Variants in XXYLT1 observed in about 807,000 individuals in gnomAD.
XXYLT1 encodes the protein xyloside xylosyltransferase 1.
In XXYLT1, 20 loss-of-function variants were observed where a neutral mutation model predicts 28.9. That is an observed-to-expected ratio of 0.69 (90% CI 0.49 to 1.00). XXYLT1 has a LOEUF of 1.00. Ranked by LOEUF, XXYLT1 falls within the 50% of genes least tolerant of loss-of-function variation. The pLI is 0.00. For missense variants in XXYLT1, 542 were observed against 560.1 expected, an observed-to-expected ratio of 0.97 and a Z score of 0.33; for synonymous variants, 257 against 253.8, an observed-to-expected ratio of 1.01 and a Z score of -0.12.
At chr3:195,132,772 G>T (rs1196556865) in intron 3 of XXYLT1, among the ~76,000 whole-genome samples, 1 of 152,180 alleles carries the variant, frequency 6.6e-6, no homozygotes, top group East Asian at 1.9e-4. Flanking sequence ...TAGTGAAGCA[G>T]GATGCTTAAA....
chr3:195,230,711 G>A (rs1345541315), intron 1 of XXYLT1, among the ~76,000 whole-genome samples: 1 of 152,070 alleles, frequency 6.6e-6, no homozygotes. Flanking sequence ...TTTATTCCTG[G>A]GTTCTCTATT....
Position 195,126,248 on chromosome 3 carries a change from A to G in XXYLT1, c.785+30201T>C, listed in dbSNP as rs570724768. On this transcript the variant is annotated intron_variant, in intron 3 of 3. Coordinates refer to ENST00000310380, the MANE Select transcript of XXYLT1 (RefSeq NM_152531.5). Reference sequence around the variant, plus strand: ...CCGTGAATGAAAGGCTGCCAGACCCAGGCCTGCGGAAACCACAGTAGCCAC... The same window carrying G: ...CCGTGAATGAAAGGCTGCCAGACCCGGGCCTGCGGAAACCACAGTAGCCAC... Among the ~76,000 whole-genome samples, 423 of 152,338 alleles carry G rather than the reference A, an allele frequency of 2.8e-3. 3 individuals are homozygous for G. Among genetic ancestry groups the G allele is most frequent in the African/African-American group, 9.0e-3 (373 of 41,582 alleles).
intron 3 of XXYLT1, among the ~76,000 whole-genome samples, chr3:195,155,141 C>T (rs1310527388): frequency 6.6e-6 from 1 of 152,186 alleles, no homozygotes; most frequent in Non-Finnish European, 1.5e-5. Context: ...GTTATCAGCT[C>T]ATTTAGGGGC....
intron 2 of XXYLT1, among the ~76,000 whole-genome samples, chr3:195,219,887 T>C (rs555034759): frequency 1.3e-5 from 2 of 152,288 alleles, no homozygotes; most frequent in South Asian, 4.1e-4. Flanking sequence ...ATGGCAAGCG[T>C]CACACTAGGC....
At chr3:195,122,838 G>A (rs1216382221) in intron 3 of XXYLT1, among the ~76,000 whole-genome samples, 1 of 152,186 alleles carries the variant, frequency 6.6e-6, no homozygotes, top group Non-Finnish European at 1.5e-5. Context: ...CCACATCACT[G>A]TGCCTGGGGC....
intron 3 of XXYLT1, among the ~76,000 whole-genome samples, chr3:195,105,900 C>T (rs2108683085): frequency 6.6e-6 from 1 of 152,336 alleles, no homozygotes; most frequent in South Asian, 2.1e-4. Flanking sequence ...TTCTTATTCC[C>T]CACCTTCCCT....
chr3:195,151,595 TATAA>T (rs1236836698), intron 3 of XXYLT1, among the ~76,000 whole-genome samples: 3 of 152,062 alleles, frequency 2.0e-5, no homozygotes, highest in African/African-American at 2.4e-5. Flanking sequence ...AATTATTTAG[TATAA>T]ATAATTGTTT....
chr3:195,163,031 T>C (rs1410115857), intron 2 of XXYLT1, among the ~76,000 whole-genome samples: 1 of 152,166 alleles, frequency 6.6e-6, no homozygotes, highest in African/African-American at 2.4e-5. Flanking sequence ...TTCTTTCCTA[T>C]TTGAGGCAGG....
chr3:195,247,221 C>A (rs1725060016), intron 1 of XXYLT1, among the ~76,000 whole-genome samples: 1 of 152,074 alleles, frequency 6.6e-6, no homozygotes. Context: ...GAGAAGAGGG[C>A]GAACGGCCGT....
At position 195,156,446 on chromosome 3, in the gene XXYLT1, C is replaced by T. The variant is rs1720597026; in HGVS notation, c.785+3G>A. The T allele has an allele frequency of 1.2e-6, 2 of 1,613,616 alleles. No homozygotes were observed. Among genetic ancestry groups the T allele is most frequent in the Admixed American group, 1.7e-5 (1 of 60,012 alleles). On this transcript the variant is annotated splice_donor_region_variant and intron_variant, in intron 3 of 3. Coordinates refer to ENST00000310380, the MANE Select transcript of XXYLT1 (RefSeq NM_152531.5). ...AGGCGGCCCCCCTGCAGTCATGACG[C>T]ACCTGTAAACTGGCTGCATCTCCCG... is the stretch of plus-strand genomic sequence containing the variant.
chr3:195,126,118 T>C (rs903707574), intron 3 of XXYLT1, among the ~76,000 whole-genome samples: 1 of 145,082 alleles, frequency 6.9e-6, no homozygotes, highest in Non-Finnish European at 1.5e-5. Flanking sequence ...AGACCCGCCT[T>C]GGGCAAGCTG....
intron 3 of XXYLT1, chr3:195,152,757 T>C (rs1013601588): frequency 6.6e-6 from 1 of 152,202 alleles, no homozygotes; most frequent in African/African-American, 2.4e-5. Context: ...GTAAAGTAAC[T>C]ATGGGACAAG....
At chr3:195,262,515 T>G (rs1725727082) in intron 1 of XXYLT1, among the ~76,000 whole-genome samples, 1 of 152,062 alleles carries the variant, frequency 6.6e-6, no homozygotes, top group South Asian at 2.1e-4. Context: ...AAAAAGTAAT[T>G]ATCTATCTTT....
At chr3:195,089,181 C>A (rs1715988927) in intron 3 of XXYLT1, among the ~76,000 whole-genome samples, 1 of 151,360 alleles carries the variant, frequency 6.6e-6, no homozygotes, top group South Asian at 2.1e-4. Context: ...GAGAACGCCA[C>A]AAAGATACTC....
At chr3:195,260,324 TCC>T (rs1725648215) in intron 1 of XXYLT1, among the ~76,000 whole-genome samples, 2 of 151,756 alleles carry the variant, frequency 1.3e-5, no homozygotes. Context: ...CCGCGGCCCC[TCC>T]TCTCCAGACG....
chr3:195,085,092 T>G (rs1205677973), intron 3 of XXYLT1, among the ~76,000 whole-genome samples: 1 of 152,174 alleles, frequency 6.6e-6, no homozygotes. Context: ...ATGACCCCCA[T>G]GGGAGTTACA....
At chr3:195,125,008 A>C (rs1280894133) in intron 3 of XXYLT1, among the ~76,000 whole-genome samples, 1 of 152,244 alleles carries the variant, frequency 6.6e-6, no homozygotes, top group East Asian at 1.9e-4. Context: ...TTCTTTATTC[A>C]TTTATTACAC....
intron 3 of XXYLT1, among the ~76,000 whole-genome samples, chr3:195,074,122 C>G (rs1444572631): frequency 1.3e-5 from 2 of 152,106 alleles, no homozygotes; most frequent in Non-Finnish European, 2.9e-5. Context: ...CTCCTCAGGT[C>G]GAGTTCACCA....
chr3:195,098,281 CA>C (rs1345310815), intron 3 of XXYLT1, among the ~76,000 whole-genome samples: 3 of 152,220 alleles, frequency 2.0e-5, no homozygotes, highest in Non-Finnish European at 2.9e-5. Flanking sequence ...GAGCCAGGTG[CA>C]GTGGCTCACG....
Sources: gnomAD v4.1 joint callset for allele counts (sites outside exome capture counted in the v4.1 genomes callset) on GRCh38, gnomAD v4.1.1 for gene constraint, MANE v1.5 for transcripts, NCBI Gene and HGNC (gene_info 2026-07-23, HGNC 2026-07-21) for gene names.